The following SND1 variants were observed in gnomAD, a reference collection of about 807,000 sequenced individuals.
SND1 encodes the protein staphylococcal nuclease domain-containing protein 1.
A neutral mutation model predicts 121.7 loss-of-function variants in SND1; 38 were observed. That is an observed-to-expected ratio of 0.31 (90% CI 0.24 to 0.41). The LOEUF (loss-of-function observed/expected upper bound fraction) is 0.41. Ranked by LOEUF, SND1 falls within the 10% of genes least tolerant of loss-of-function variation. The pLI is 1.00. For missense variants in SND1, 868 were observed against 1,184.6 expected (o/e 0.73, Z 3.92); for synonymous variants, 401 against 447.4 (o/e 0.90, Z 1.31).
chr7:127,707,216 GA>G, intron 8 of SND1, among the ~76,000 whole-genome samples: 1 of 152,274 alleles, frequency 6.6e-6, no homozygotes, highest in Non-Finnish European at 1.5e-5. Context: ...TGCTTTTTAA[GA>G]AATATGTTTG....
At chr7:127,737,678 C>T (rs557330098) in intron 10 of SND1, among the ~76,000 whole-genome samples, 7 of 152,200 alleles carry the variant, frequency 4.6e-5, no homozygotes, top group East Asian at 3.9e-4. Context: ...AGAAGTGATT[C>T]GGATTTTGGA....
At chr7:127,842,617 T>C (rs1008647757) in intron 11 of SND1, among the ~76,000 whole-genome samples, 31 of 152,328 alleles carry the variant, frequency 2.0e-4, no homozygotes, top group African/African-American at 7.2e-4. Flanking sequence ...TTACATACTG[T>C]GAAACCAATT....
intron 10 of SND1, 36 bp from the exon 11 acceptor site, chr7:127,807,448 G>A (rs373883087): frequency 1.3e-5 from 20 of 1,527,988 alleles, no homozygotes; most frequent in Admixed American, 6.7e-5. Flanking sequence ...ATTTGATATT[G>A]TTCATTCCTG....
At chr7:128,058,272 T>G (rs1365384932) in intron 16 of SND1, among the ~76,000 whole-genome samples, 1 of 152,278 alleles carries the variant, frequency 6.6e-6, no homozygotes, top group East Asian at 1.9e-4. Flanking sequence ...CTTAGCACAA[T>G]GAGATGAGCC....
At chr7:127,885,452 T>C (rs1195407367) in intron 12 of SND1, among the ~76,000 whole-genome samples, 5 of 152,128 alleles carry the variant, frequency 3.3e-5, no homozygotes, top group African/African-American at 4.8e-5. Context: ...GCTTAGATGC[T>C]GAGCTTTAAA....
At chr7:127,892,199 C>G (rs1800020961) in intron 13 of SND1, among the ~76,000 whole-genome samples, 1 of 152,104 alleles carries the variant, frequency 6.6e-6, no homozygotes, top group Non-Finnish European at 1.5e-5. Flanking sequence ...AGCTGCCTGC[C>G]TAGAAGTTGA....
intron 15 of SND1, among the ~76,000 whole-genome samples, chr7:127,962,193 T>A (rs1007012335): frequency 2.0e-5 from 3 of 152,158 alleles, no homozygotes; most frequent in African/African-American, 7.2e-5. Flanking sequence ...ATTGCTGTGC[T>A]GGAAGGAAGA....
intron 11 of SND1, among the ~76,000 whole-genome samples, chr7:127,832,810 C>G (rs980771095): frequency 2.0e-5 from 3 of 152,224 alleles, no homozygotes; most frequent in Admixed American, 2.0e-4. Flanking sequence ...GCAGGCCAGC[C>G]AGCGTCACTG....
chr7:127,669,999 A>ATTT (rs765413422), intron 1 of SND1, among the ~76,000 whole-genome samples: 1 of 143,822 alleles, frequency 7.0e-6, no homozygotes, highest in African/African-American at 2.5e-5. Flanking sequence ...ACTAATTCTA[A>ATTT]TTTTTTTTTT....
At chr7:127,797,293 C>G (rs1363965416) in intron 10 of SND1, among the ~76,000 whole-genome samples, 5 of 151,908 alleles carry the variant, frequency 3.3e-5, no homozygotes, top group Non-Finnish European at 7.4e-5. Flanking sequence ...TCTAGTAGAT[C>G]AGCATCAAGC....
chr7:127,902,359 G>A (rs1800250328), intron 13 of SND1, among the ~76,000 whole-genome samples: 1 of 152,236 alleles, frequency 6.6e-6, no homozygotes, highest in East Asian at 1.9e-4. Flanking sequence ...GCCTTGCCTT[G>A]AAGGAGGTGA....
intron 12 of SND1, among the ~76,000 whole-genome samples, chr7:127,861,701 C>G (rs1396573842): frequency 1.3e-5 from 2 of 152,154 alleles, no homozygotes; most frequent in Non-Finnish European, 1.5e-5. Flanking sequence ...GGGATCCTGA[C>G]CTTAGGTGAT....
intron 10 of SND1, among the ~76,000 whole-genome samples, chr7:127,786,683 G>A (rs1179262525): frequency 2.0e-5 from 3 of 151,874 alleles, no homozygotes; most frequent in Admixed American, 1.3e-4. Flanking sequence ...TCGCTCTGTC[G>A]CCCAGGCTGG....
At chr7:127,889,851 G>C (rs1022357933) in intron 13 of SND1, among the ~76,000 whole-genome samples, 1 of 151,922 alleles carries the variant, frequency 6.6e-6, no homozygotes, top group African/African-American at 2.4e-5. Flanking sequence ...CAAATGACAG[G>C]ATCTCATTCT....
Position 128,028,676 on chromosome 7 carries a change from G to A in SND1, c.1779+37620G>A, listed in dbSNP as rs1257638904. The A allele has an allele frequency of 3.1e-6, 5 of 1,601,278 alleles. 1 individual carries two copies. In the Admixed American group the frequency reaches 6.8e-5, roughly 22 times the overall value. ...ATTTTATAAGTTTTTTGGGGGAGGG[G>A]AGTCATATTTGAGTTTCCTGTACCT... is the stretch of plus-strand genomic sequence containing the variant. On this transcript the variant is annotated intron_variant, in intron 16 of 23. Coordinates refer to ENST00000354725, the MANE Select transcript of SND1 (RefSeq NM_014390.4).
In SND1 at chr7:127,818,294, A is replaced by G. The variant is rs1229645374; in HGVS notation, c.1242+10721A>G. Among the ~76,000 whole-genome samples the G allele has an allele frequency of 5.9e-5, 9 of 152,252 alleles. 1 individual carries two copies. In the East Asian group the frequency reaches 1.5e-3, roughly 26 times the overall value. On this transcript the variant is annotated intron_variant, in intron 11 of 23. Transcript: ENST00000354725. ...GGCAGCATGCTTGTTGCCTAGTGTG[A>G]AGTCTTCATGAGGGAAGCTGAGCAG...
intron 16 of SND1, among the ~76,000 whole-genome samples, chr7:128,060,773 C>T (rs961233202): frequency 2.0e-5 from 3 of 152,150 alleles, no homozygotes; most frequent in Admixed American, 1.3e-4. Context: ...ATCCAGGTGT[C>T]CTCTATCCAA....
chr7:127,936,058 G>T (rs767686894), intron 15 of SND1, among the ~76,000 whole-genome samples: 4 of 152,186 alleles, frequency 2.6e-5, no homozygotes, highest in Non-Finnish European at 5.9e-5. Flanking sequence ...ATGATCGCTT[G>T]GTCAGATGGG....
At chr7:127,658,157 C>G (rs1452633313) in intron 1 of SND1, among the ~76,000 whole-genome samples, 2 of 151,656 alleles carry the variant, frequency 1.3e-5, no homozygotes, top group Non-Finnish European at 2.9e-5. Context: ...ACTAAAAATA[C>G]AAAAAAAATT....
Sources: allele counts gnomAD v4.1 joint callset (sites outside exome capture counted in the v4.1 genomes callset), GRCh38; gene constraint gnomAD v4.1.1; transcripts MANE v1.5; gene names NCBI Gene and HGNC (gene_info 2026-07-23, HGNC 2026-07-21).